CAMTA1: variants seen among roughly 807,000 people sequenced by gnomAD.
CAMTA1 encodes the protein calmodulin-binding transcription activator 1.
Under a neutral mutation model 170.9 loss-of-function variants are expected in CAMTA1, and 27 were observed. The ratio of observed to expected loss-of-function variants is 0.16; its 90% CI spans 0.12 to 0.22. The LOEUF (loss-of-function observed/expected upper bound fraction) is 0.22. Among genes scored for constraint, CAMTA1 ranks in the 10% least tolerant of loss-of-function variants. CAMTA1 has a pLI of 1.00. For missense variants in CAMTA1, 1,619 were observed against 2,217.2 expected (o/e 0.73, Z 5.42); for synonymous variants, 833 against 891.5 (o/e 0.93, Z 1.17).
At chr1:7,235,067 G>C (rs1447788801) in intron 4 of CAMTA1, among the ~76,000 whole-genome samples, 1 of 151,984 alleles carries the variant, frequency 6.6e-6, no homozygotes. Context: ...GATTACAGTC[G>C]TGAGCCACCA....
rs573044594 is a variant in CAMTA1, at chr1:6,829,846, G to GT, written c.234+4640dup. Reference sequence around the variant, plus strand: ...GTAGCTATTTAGTTCTAATCCTTTCGTTTTATAGAATTGTTTGGCTTCTTC... The same window carrying GT: ...GTAGCTATTTAGTTCTAATCCTTTCGTTTTTATAGAATTGTTTGGCTTCTTC... On this transcript the variant is annotated intron_variant, in intron 3 of 22. Coordinates refer to ENST00000303635, the MANE Select transcript of CAMTA1 (RefSeq NM_015215.4). Among the ~76,000 whole-genome samples, 247 of 152,140 alleles carry GT rather than the reference G, an allele frequency of 1.6e-3. 1 individual carries two copies. Among genetic ancestry groups the GT allele is most frequent in the African/African-American group, 5.8e-3 (239 of 41,510 alleles).
intron 5 of CAMTA1, among the ~76,000 whole-genome samples, chr1:7,306,875 A>AC (rs1675671354): frequency 6.6e-6 from 1 of 152,002 alleles, no homozygotes; most frequent in East Asian, 1.9e-4. Flanking sequence ...AATACAAGTA[A>AC]AAAATACAGT....
At position 6,934,964 on chromosome 1, in the gene CAMTA1, C is replaced by A. The variant is rs1372984099; in HGVS notation, c.234+109754C>A. 6.6e-6 allele frequency among the ~76,000 whole-genome samples: 1 copy of A among 152,030 alleles called. No individual in the cohort carries two copies. The highest frequency in any genetic ancestry group is 2.4e-5 in the African/African-American group (1 of 41,374). ...GCAGCAAGAGCAACAGATTTCCCTG[C>A]AATATGTTACAAGGGGAAGAAAAGA... On this transcript the variant is annotated intron_variant, in intron 3 of 22. Transcript: ENST00000303635. The surrounding 1 kb of genome is among the most constrained non-coding windows in gnomAD (Gnocchi z 4.5).
At chr1:7,156,936 G>A (rs916311795) in intron 4 of CAMTA1, among the ~76,000 whole-genome samples, 2 of 152,104 alleles carry the variant, frequency 1.3e-5, no homozygotes, top group Admixed American at 6.5e-5. Flanking sequence ...TGTAAGAGAC[G>A]GGCTTTCAGA....
intron 5 of CAMTA1, among the ~76,000 whole-genome samples, chr1:7,330,365 G>T (rs2082953260): frequency 6.6e-6 from 1 of 152,210 alleles, no homozygotes; most frequent in Non-Finnish European, 1.5e-5. Context: ...AGGCCTGACG[G>T]TGCAGCTGCT....
At chr1:7,025,316 C>G (rs1484941065) in intron 3 of CAMTA1, among the ~76,000 whole-genome samples, 1 of 152,194 alleles carries the variant, frequency 6.6e-6, no homozygotes, top group South Asian at 2.1e-4. Context: ...GCCTGGGGGC[C>G]CTGGCCATGA....
In CAMTA1 at chr1:7,670,907, G is replaced by A. The variant is rs1307941060; in HGVS notation, c.2653-4G>A. On this transcript the variant is annotated splice_polypyrimidine_tract_variant and splice_region_variant and intron_variant, in intron 9 of 22. Coordinates refer to ENST00000303635, the MANE Select transcript of CAMTA1 (RefSeq NM_015215.4). ...AACTCTGTTCCCCTCTCTGTTCTCT[G>A]CAGGGAGGAGTGAAGGTCCTCATCA... 2 of 1,613,498 alleles carry A rather than the reference G, an allele frequency of 1.2e-6. No homozygotes were observed. The highest frequency in any genetic ancestry group is 1.7e-5 in the Admixed American group (1 of 59,990).
At chr1:7,046,446 G>A (rs960386653) in intron 3 of CAMTA1, among the ~76,000 whole-genome samples, 4 of 152,198 alleles carry the variant, frequency 2.6e-5, no homozygotes, top group African/African-American at 4.8e-5. Context: ...GGAGCTGTCC[G>A]TGGTTCTTGT....
chr1:7,762,268 T>C (rs12568818), intron 22 of CAMTA1, among the ~76,000 whole-genome samples: 5 of 152,240 alleles, frequency 3.3e-5, no homozygotes, highest in Non-Finnish European at 7.3e-5. Context: ...ATAATAATGG[T>C]TAAACTTCTA....
chr1:6,900,312 C>T (rs770072771), intron 3 of CAMTA1, among the ~76,000 whole-genome samples: 36 of 151,404 alleles, frequency 2.4e-4, no homozygotes, highest in Non-Finnish European at 4.9e-4. Context: ...ATGGTGGCCT[C>T]CCGTTCCCGT....
rs187414070 is a variant in CAMTA1, at chr1:7,419,133, C to T, written c.439-48697C>T. Among the ~76,000 whole-genome samples, 9 of 152,258 alleles carry T rather than the reference C, an allele frequency of 5.9e-5. No individual in the cohort carries two copies. The South Asian group carries it at 6.2e-4, about 11-fold the overall frequency. ...TTCATGCAGCACTTTCTTCCCTTCC[C>T]GAACTTCTTCTTCTTTTTATTTTTA... On this transcript the variant is annotated intron_variant, in intron 5 of 22. Transcript: ENST00000303635.
rs141202034 is a variant in CAMTA1 at position 7,092,029 on chromosome 1, C to T, written c.302+658C>T. Among the ~76,000 whole-genome samples, 30 of 152,352 alleles carry T rather than the reference C, an allele frequency of 2.0e-4. No homozygotes were observed. The East Asian group carries it at 5.2e-3, about 26-fold the overall frequency. On this transcript the variant is annotated intron_variant, in intron 4 of 22. Coordinates refer to ENST00000303635, the MANE Select transcript of CAMTA1 (RefSeq NM_015215.4). This position sits in a 1 kb window ranked among gnomAD's most constrained non-coding sequence, Gnocchi z 5.0. ...TTTTAAAAGGCAGCCTCTTTTGGTC[C>T]TCCCCAACTCTAGGTTTTTATTTTT... is the stretch of plus-strand genomic sequence containing the variant.
chr1:6,972,608 A>T (rs1227728305), intron 3 of CAMTA1, among the ~76,000 whole-genome samples: 1 of 152,150 alleles, frequency 6.6e-6, no homozygotes, highest in Non-Finnish European at 1.5e-5. Context: ...TGAGGCAAAG[A>T]GGGAAGTCCT....
At position 7,233,756 on chromosome 1, in the gene CAMTA1, G is replaced by A. The variant is rs185669567; in HGVS notation, c.303-15735G>A. 9.9e-5 allele frequency among the ~76,000 whole-genome samples: 15 copies of A among 152,248 alleles called. No homozygotes were observed. The East Asian group carries it at 2.3e-3, about 24-fold the overall frequency. ...ATTCTCGGAGGATCCACAAAGCCCC[G>A]GGATCTAACCCCTCTGGACGTGCAG... On this transcript the variant is annotated intron_variant, in intron 4 of 22. Transcript: ENST00000303635.
intron 7 of CAMTA1, among the ~76,000 whole-genome samples, chr1:7,655,101 CCTATA>C (rs1364444804): frequency 0.013 from 130 of 10,370 alleles, 8 homozygotes; most frequent in African/African-American, 0.06. Context: ...TACACACACA[CCTATA>C]CACACACCTA....
intron 6 of CAMTA1, among the ~76,000 whole-genome samples, chr1:7,557,201 G>A (rs1317597057): frequency 3.3e-5 from 5 of 151,956 alleles, no homozygotes; most frequent in South Asian, 2.1e-4. Context: ...CCAGCTACTC[G>A]GGAGGCTGAG....
chr1:7,511,692 C>A (rs1470076091), intron 6 of CAMTA1, among the ~76,000 whole-genome samples: 1 of 152,180 alleles, frequency 6.6e-6, no homozygotes, highest in East Asian at 1.9e-4. Context: ...CAGATTCTTG[C>A]TGCCAGATCT....
intron 5 of CAMTA1, among the ~76,000 whole-genome samples, chr1:7,297,304 G>T (rs887535521): frequency 1.3e-5 from 2 of 152,166 alleles, no homozygotes; most frequent in African/African-American, 4.8e-5. Context: ...CTCTTGGTCT[G>T]GTCAGGCTTG....
intron 5 of CAMTA1, among the ~76,000 whole-genome samples, chr1:7,407,918 A>G (rs2149242483): frequency 6.6e-6 from 1 of 152,254 alleles, no homozygotes; most frequent in East Asian, 1.9e-4. Context: ...CATTCAACGA[A>G]GGTTCTCCCA....
Sources: allele counts gnomAD v4.1 joint callset (sites outside exome capture counted in the v4.1 genomes callset), GRCh38; gene constraint gnomAD v4.1.1; non-coding constraint Gnocchi (gnomAD v3.1); transcripts MANE v1.5; gene names NCBI Gene and HGNC (gene_info 2026-07-23, HGNC 2026-07-21).